The following PIK3R4 variants were observed in gnomAD, a reference collection of about 807,000 sequenced individuals.
PIK3R4 encodes the protein phosphoinositide-3-kinase regulatory subunit 4.
Under a neutral mutation model 136.5 loss-of-function variants are expected in PIK3R4, and 46 were observed. The ratio of observed to expected loss-of-function variants is 0.34; its 90% CI spans 0.27 to 0.43. The LOEUF (loss-of-function observed/expected upper bound fraction) is 0.43. PIK3R4 is among the 20% of genes least tolerant of loss of function. The pLI, the probability that PIK3R4 is intolerant of heterozygous loss-of-function variation, is 1.00. For synonymous variants in PIK3R4, 557 were observed against 566.7 expected (o/e 0.98, Z 0.24); for missense variants, 1,331 against 1,649.5 (o/e 0.81, Z 3.35).
chr3:130,707,942 C>G (rs544915415), intron 10 of PIK3R4, among the ~76,000 whole-genome samples: 1 of 152,150 alleles, frequency 6.6e-6, no homozygotes, highest in Non-Finnish European at 1.5e-5. Context: ...CCATTTTACA[C>G]AAACTATTGT....
intron 14 of PIK3R4, among the ~76,000 whole-genome samples, chr3:130,689,757 T>C (rs2066506681): frequency 6.6e-6 from 1 of 152,228 alleles, no homozygotes; most frequent in South Asian, 2.1e-4. Flanking sequence ...CTGTTATCCA[T>C]GTAAAAATTA....
intron 2 of PIK3R4, among the ~76,000 whole-genome samples, chr3:130,740,458 C>A (rs1004799801): frequency 6.6e-6 from 1 of 152,066 alleles, no homozygotes; most frequent in Non-Finnish European, 1.5e-5. Context: ...CACTGAAGGC[C>A]GGGCACAGTG....
At chr3:130,728,230 T>C (rs1439247097) in intron 6 of PIK3R4, among the ~76,000 whole-genome samples, 1 of 152,162 alleles carries the variant, frequency 6.6e-6, no homozygotes, top group Non-Finnish European at 1.5e-5. Context: ...TAAATATAGT[T>C]AATGACCACA....
intron 12 of PIK3R4, among the ~76,000 whole-genome samples, chr3:130,705,352 G>T (rs942469424): frequency 2.0e-5 from 3 of 152,138 alleles, no homozygotes; most frequent in African/African-American, 7.2e-5. Context: ...TTACATGATT[G>T]GCCTAAACAT....
intron 5 of PIK3R4, 88 bp downstream of exon 5, chr3:130,730,220 A>T: frequency 9.3e-7 from 1 of 1,074,800 alleles, no homozygotes; most frequent in Non-Finnish European, 1.4e-6. Flanking sequence ...CCTTCACCTT[A>T]CATGAAAACT....
In PIK3R4 at chr3:130,744,702, TGGGCTTAAAACTG is replaced by T. The variant is rs1478703285; in HGVS notation, c.504_516del (p.Ser169LeufsTer40). ...GCCGGGTTGTCTTCTGGAAGATAAGTGGGCTTAAAACTGGCAAAATCAGTTAGAAGAACCCAAT... is the reference window on the plus strand; with the variant it reads ...GCCGGGTTGTCTTCTGGAAGATAAGTGCAAAATCAGTTAGAAGAACCCAAT... On this transcript the variant is annotated frameshift_variant, in exon 2 of 20. Transcript: ENST00000356763. LOFTEE classifies it high-confidence loss of function. 6.2e-7 allele frequency: 1 copy of T among 1,614,226 alleles called. No individual in the cohort carries two copies. The highest frequency in any genetic ancestry group is 8.5e-7 in the Non-Finnish European group (1 of 1,180,030).
chr3:130,720,688 A>G (rs2066694668), intron 7 of PIK3R4, among the ~76,000 whole-genome samples: 1 of 152,198 alleles, frequency 6.6e-6, no homozygotes, highest in African/African-American at 2.4e-5. Flanking sequence ...ATCTGTTTTA[A>G]CAACTATCAA....
intron 1 of PIK3R4, among the ~76,000 whole-genome samples, chr3:130,745,995 G>T (rs1262783927): frequency 6.6e-6 from 1 of 151,768 alleles, no homozygotes; most frequent in Non-Finnish European, 1.5e-5. Context: ...ACTCCAGCCT[G>T]GGTGACAGAG....
chr3:130,735,399 T>A (rs1318373420), intron 3 of PIK3R4, among the ~76,000 whole-genome samples: 1 of 152,198 alleles, frequency 6.6e-6, no homozygotes, highest in Admixed American at 6.5e-5. Context: ...TGTGCTTCTG[T>A]AGCTGCCTTT....
intron 3 of PIK3R4, among the ~76,000 whole-genome samples, chr3:130,734,853 ATTGAG>A (rs1489750726): frequency 6.6e-6 from 1 of 152,234 alleles, no homozygotes; most frequent in African/African-American, 2.4e-5. Flanking sequence ...CACAAAATGT[ATTGAG>A]TTATCTGAAC....
At chr3:130,693,501 G>A (rs559953382) in intron 13 of PIK3R4, among the ~76,000 whole-genome samples, 1 of 152,182 alleles carries the variant, frequency 6.6e-6, no homozygotes, top group Admixed American at 6.5e-5. Flanking sequence ...TAGTGGGTGT[G>A]AAGGAGTATC....
intron 13 of PIK3R4, among the ~76,000 whole-genome samples, chr3:130,702,878 TAC>T (rs199822482): frequency 0.011 from 1,697 of 152,346 alleles, 23 homozygotes; most frequent in Admixed American, 0.019. Flanking sequence ...TTGTTTTCCT[TAC>T]ACAGTTAGCC....
chr3:130,739,355 C>A lies in PIK3R4; in HGVS notation c.734-3353G>T, dbSNP rs909599936. On this transcript the variant is annotated intron_variant, in intron 2 of 19. Transcript: ENST00000356763. ...CCTCCCAAAGTGCTGGGATTACAGG[C>A]GTGAGCGACCGCGCTGGCCTTTTGT... is the stretch of plus-strand genomic sequence containing the variant. Among the ~76,000 whole-genome samples, 11 of 151,932 alleles carry A rather than the reference C, an allele frequency of 7.2e-5. 1 individual carries two copies. Among genetic ancestry groups the A allele is most frequent in the Admixed American group, 7.2e-4 (11 of 15,262 alleles).
chr3:130,726,476 A>G (rs1021198162), intron 6 of PIK3R4, among the ~76,000 whole-genome samples: 2 of 152,192 alleles, frequency 1.3e-5, no homozygotes, highest in Non-Finnish European at 1.5e-5. Flanking sequence ...TGATTTTCCA[A>G]GAACCACAAC....
At chr3:130,712,716 A>C (rs1267807059) in intron 9 of PIK3R4, among the ~76,000 whole-genome samples, 1 of 152,084 alleles carries the variant, frequency 6.6e-6, no homozygotes, top group Admixed American at 6.6e-5. Flanking sequence ...CTATCTCCAA[A>C]GCCTCCCCTG....
Position 130,705,631 on chromosome 3 carries a change from C to T in PIK3R4, c.2862G>A (p.Gln954=), listed in dbSNP as rs777751663. The change falls in exon 12 of 20, where the codon CAG becomes CAA. Residue 954 remains glutamine (Q), a synonymous_variant. Transcript: ENST00000356763. The stretch of plus-strand genomic sequence containing the variant: ...GCTTAGCTATTCTCTCAGCATTGCA[C>T]TGCTCCCGCTTTTGCTGGATGAGTT... ...LQQLIQQKRE[Q]CNAERIAKQM... 5.0e-6 allele frequency: 8 copies of T among 1,613,854 alleles called. No individual in the cohort carries two copies. The highest frequency in any genetic ancestry group is 6.8e-6 in the Non-Finnish European group (8 of 1,179,720).
chr3:130,742,342 A>C (rs1287239715), intron 2 of PIK3R4, among the ~76,000 whole-genome samples: 1 of 152,260 alleles, frequency 6.6e-6, no homozygotes, highest in African/African-American at 2.4e-5. Context: ...AAAAAGGATA[A>C]AAATAAGCTT....
intron 15 of PIK3R4, 51 bp downstream of exon 15, chr3:130,686,160 C>T: frequency 9.4e-7 from 1 of 1,067,136 alleles, no homozygotes; most frequent in Non-Finnish European, 1.5e-6. Context: ...ACAGCAATTG[C>T]AGGCATTAGT....
intron 5 of PIK3R4, 149 bp downstream of exon 5, chr3:130,730,159 G>C: frequency 1.7e-6 from 1 of 592,174 alleles, no homozygotes; most frequent in Non-Finnish European, 2.8e-6. Context: ...AGGATAGAGA[G>C]AATAATTAGA....
Sources: allele counts gnomAD v4.1 joint callset (sites outside exome capture counted in the v4.1 genomes callset), GRCh38; gene constraint gnomAD v4.1.1; transcripts MANE v1.5; gene names NCBI Gene and HGNC (gene_info 2026-07-23, HGNC 2026-07-21).